KCNG3: variants seen among roughly 807,000 people sequenced by gnomAD.
The protein encoded by KCNG3 is voltage-gated potassium channel regulatory subunit KCNG3.
A neutral mutation model predicts 29.0 loss-of-function variants in KCNG3; 15 were observed. That is an observed-to-expected ratio of 0.52 (90% CI 0.35 to 0.80). KCNG3 has a LOEUF of 0.80. Among genes scored for constraint, KCNG3 ranks in the 30% least tolerant of loss-of-function variants. The pLI is 0.01. For missense variants in KCNG3, 512 were observed against 605.7 expected (o/e 0.85, Z 1.62); for synonymous variants, 322 against 248.9 (o/e 1.29, Z -2.76).
At chr2:42,401,817 G>A in the KCNG3 span, among the ~76,000 whole-genome samples, 1 of 152,116 alleles carries the variant, frequency 6.6e-6, no homozygotes, top group East Asian at 1.9e-4. Context: ...CCAGAAGGTG[G>A]AGGTTTCAGT....
downstream of KCNG3, among the ~76,000 whole-genome samples, chr2:42,438,372 T>C (rs1672412007): frequency 6.6e-6 from 1 of 152,102 alleles, no homozygotes; most frequent in Non-Finnish European, 1.5e-5. Context: ...TTACGGGAAA[T>C]TTTAGTTTTA....
At chr2:42,472,527 A>G (rs1341007116) in intron 1 of KCNG3, among the ~76,000 whole-genome samples, 1 of 150,060 alleles carries the variant, frequency 6.7e-6, no homozygotes, top group Non-Finnish European at 1.5e-5. Flanking sequence ...TGAGACAAGG[A>G]CTCACGCTGT....
chr2:42,430,218 A>T, the KCNG3 span, among the ~76,000 whole-genome samples: 1 of 151,270 alleles, frequency 6.6e-6, no homozygotes, highest in African/African-American at 2.4e-5. Context: ...AATAAATAAA[A>T]TTAGCTGAGC....
rs559875869 is a variant in KCNG3, at chr2:42,466,260, G to T, written c.666-21681C>A. Among the ~76,000 whole-genome samples, 3 of 152,086 alleles carry T rather than the reference G, an allele frequency of 2.0e-5. No individual in the cohort carries two copies. In the South Asian group the frequency reaches 6.2e-4, roughly 31 times the overall value. Reference sequence around the variant, plus strand: ...GTCTCTAACAAAAATACAAAAATTAGTCAGGCGTGGTGGTGCCTGCCTGTA... The same window carrying T: ...GTCTCTAACAAAAATACAAAAATTATTCAGGCGTGGTGGTGCCTGCCTGTA... On this transcript the variant is annotated intron_variant, in intron 1 of 1. Coordinates refer to ENST00000306078, the MANE Select transcript of KCNG3 (RefSeq NM_133329.6).
intron 1 of KCNG3, among the ~76,000 whole-genome samples, chr2:42,490,355 C>T (rs1673841908): frequency 1.3e-5 from 2 of 152,160 alleles, no homozygotes; most frequent in Non-Finnish European, 2.9e-5. Flanking sequence ...ACGGGTGGAT[C>T]ACCTGAGGTC....
At chr2:42,425,252 T>A in the KCNG3 span, among the ~76,000 whole-genome samples, 678 of 144,612 alleles carry the variant, frequency 4.7e-3, 4 homozygotes, top group African/African-American at 0.016. Flanking sequence ...AAAAAAAAAA[T>A]TAGCGGGGCG....
At chr2:42,397,177 G>C in the KCNG3 span, among the ~76,000 whole-genome samples, 227 of 151,776 alleles carry the variant, frequency 1.5e-3, 1 homozygote, top group African/African-American at 5.0e-3. Flanking sequence ...CCCGGAGGTG[G>C]AGGTTACAGC....
At position 42,492,881 on chromosome 2, in the gene KCNG3, A is replaced by T. The variant is rs1673936617; in HGVS notation, c.621T>A (p.Asp207Glu). The change falls in exon 1 of 2, where the codon GAT becomes GAA. Residue 207 changes from aspartate (D) to glutamate (E), a missense_variant. Asp to Glu is a conservative substitution (Grantham distance 45). Transcript: ENST00000306078. ...GGCCGGCGGAGTACCTGCTCCGGTC[A>T]TCCAGGCTGCGGTTGTCGGCGGCTG... ...RNAAADNRSL[D>E]DRSRYSAGPG... 6.5e-7 allele frequency: 1 copy of T among 1,540,532 alleles called. No individual in the cohort carries two copies. The highest frequency in any genetic ancestry group is 1.3e-5 in the South Asian group (1 of 79,510).
the KCNG3 span, among the ~76,000 whole-genome samples, chr2:42,412,550 G>C: frequency 6.6e-6 from 1 of 152,060 alleles, no homozygotes; most frequent in Admixed American, 6.5e-5. Flanking sequence ...TATTAGGTTT[G>C]TTTTATATAT....
chr2:42,467,344 T>C (rs1449477976), intron 1 of KCNG3, among the ~76,000 whole-genome samples: 1 of 152,046 alleles, frequency 6.6e-6, no homozygotes, highest in Non-Finnish European at 1.5e-5. Context: ...TCCCAAATAA[T>C]TAAAAAAGCA....
chr2:42,420,439 G>A, the KCNG3 span, among the ~76,000 whole-genome samples: 1 of 152,100 alleles, frequency 6.6e-6, no homozygotes, highest in Non-Finnish European at 1.5e-5. Flanking sequence ...GAGTGGAAGT[G>A]CACTAGAAAG....
chr2:42,435,584 C>A, the KCNG3 span, among the ~76,000 whole-genome samples: 56 of 152,170 alleles, frequency 3.7e-4, no homozygotes, highest in African/African-American at 1.1e-3. Flanking sequence ...TTTTAAAAAA[C>A]CTATTTTTTT....
chr2:42,417,576 C>T, the KCNG3 span, among the ~76,000 whole-genome samples: 1 of 152,156 alleles, frequency 6.6e-6, no homozygotes, highest in African/African-American at 2.4e-5. Flanking sequence ...CCGATCTCAG[C>T]CTCCTAAAGT....
intron 1 of KCNG3, among the ~76,000 whole-genome samples, chr2:42,452,731 T>A (rs948213655): frequency 2.0e-5 from 3 of 151,850 alleles, no homozygotes; most frequent in Non-Finnish European, 4.4e-5. Flanking sequence ...TAGTACTCCA[T>A]TGTGTGTAAG....
chr2:42,460,841 C>T (rs1484050477), intron 1 of KCNG3, among the ~76,000 whole-genome samples: 1 of 152,136 alleles, frequency 6.6e-6, no homozygotes, highest in Non-Finnish European at 1.5e-5. Flanking sequence ...AATGGCTACT[C>T]TGACTATTCC....
the KCNG3 span, among the ~76,000 whole-genome samples, chr2:42,413,959 C>G: frequency 6.6e-6 from 1 of 152,142 alleles, no homozygotes; most frequent in Admixed American, 6.5e-5. Context: ...CAGTATTTTT[C>G]CAGCAAAGTC....
At chr2:42,460,963 C>T (rs892864896) in intron 1 of KCNG3, among the ~76,000 whole-genome samples, 2 of 151,954 alleles carry the variant, frequency 1.3e-5, no homozygotes, top group African/African-American at 4.8e-5. Flanking sequence ...AGATTAAGAC[C>T]ACCCTGGCTA....
chr2:42,478,606 C>G (rs1673500386), intron 1 of KCNG3, among the ~76,000 whole-genome samples: 1 of 152,004 alleles, frequency 6.6e-6, no homozygotes, highest in African/African-American at 2.4e-5. Flanking sequence ...AAAACTAACA[C>G]AGTTTGGTGT....
chr2:42,406,344 G>A, the KCNG3 span, among the ~76,000 whole-genome samples: 1 of 151,224 alleles, frequency 6.6e-6, no homozygotes, highest in African/African-American at 2.4e-5. Context: ...CTCAGCCTCT[G>A]GAGTAGCTAG....
Sources: allele counts gnomAD v4.1 joint callset (sites outside exome capture counted in the v4.1 genomes callset), GRCh38; gene constraint gnomAD v4.1.1; transcripts MANE v1.5; gene names NCBI Gene and HGNC (gene_info 2026-07-23, HGNC 2026-07-21).